The following SATL1 variants were observed in gnomAD, a reference collection of about 807,000 sequenced individuals.
The protein encoded by SATL1 is spermidine/spermine N(1)-acetyltransferase-like protein 1.
In SATL1, 47 loss-of-function variants were observed where a neutral mutation model predicts 51.8. That is an observed-to-expected ratio of 0.91 (90% CI 0.72 to 1.16). The LOEUF (loss-of-function observed/expected upper bound fraction) is 1.16, where lower values mean the gene tolerates loss of function less well. SATL1 is among the 50% of genes most tolerant of loss of function. The pLI, the probability that SATL1 is intolerant of heterozygous loss-of-function variation, is 0.00. For missense variants in SATL1, 520 were observed against 526.4 expected (o/e 0.99, Z 0.12); for synonymous variants, 176 against 182.4 (o/e 0.97, Z 0.28).
chrX:85,199,985 T>G (rs1927656635), intron 2 of SATL1, among the ~76,000 whole-genome samples: 1 of 112,159 alleles, frequency 8.9e-6, no homozygotes, highest in African/African-American at 3.2e-5. Context: ...AAAGGATAAA[T>G]GCTTGAGGTG....
At chrX:85,174,226 A>G (rs747186617) in intron 2 of SATL1, among the ~76,000 whole-genome samples, 2 of 110,859 alleles carry the variant, frequency 1.8e-5, no homozygotes, top group African/African-American at 3.3e-5. Context: ...TAGTGCCGCA[A>G]TAAACATACG....
chrX:85,127,739 G>T (rs753492078), intron 2 of SATL1, among the ~76,000 whole-genome samples: 1 of 110,961 alleles, frequency 9.0e-6, no homozygotes, highest in East Asian at 2.8e-4. Context: ...TTGGTGTGCT[G>T]CACCCATTAA....
At chrX:85,147,722 T>A (rs1233818770) in intron 2 of SATL1, among the ~76,000 whole-genome samples, 1 of 111,744 alleles carries the variant, frequency 8.9e-6, no homozygotes, top group African/African-American at 3.3e-5. Flanking sequence ...GGGTCTGGAG[T>A]GGACCTCTAG....
chrX:85,229,284 G>A (rs1928333600), intron 1 of SATL1, among the ~76,000 whole-genome samples: 1 of 111,382 alleles, frequency 9.0e-6, no homozygotes, highest in Non-Finnish European at 1.9e-5. Context: ...AAAAACAGAA[G>A]AGGAGGAAAT....
At chrX:85,196,191 A>G (rs1412223347) in intron 2 of SATL1, among the ~76,000 whole-genome samples, 1 of 111,654 alleles carries the variant, frequency 9.0e-6, no homozygotes, top group African/African-American at 3.3e-5. Flanking sequence ...TTCATTTACA[A>G]TGGTATCAAA....
At chrX:85,183,344 A>G (rs750400209) in intron 2 of SATL1, among the ~76,000 whole-genome samples, 33 of 107,876 alleles carry the variant, frequency 3.1e-4, no homozygotes, top group African/African-American at 1.1e-3. Flanking sequence ...CCTTTCCCCA[A>G]TGTTCTCGGT....
intron 2 of SATL1, among the ~76,000 whole-genome samples, chrX:85,195,214 A>G (rs1252430089): frequency 2.7e-5 from 3 of 111,030 alleles, no homozygotes; most frequent in Non-Finnish European, 5.7e-5. Context: ...ATGGGAGTAA[A>G]TAACTCTCAA....
rs1348085934 is a variant in SATL1, at chrX:85,146,042, G to A, written c.-312-36762C>T. On this transcript the variant is annotated intron_variant, in intron 2 of 7. Transcript: ENST00000644105. The stretch of plus-strand genomic sequence containing the variant: ...CTCCTGAGCAGTTGGGACTACAGGC[G>A]CCCGCCACCACGCCCGGCAATTTTT... Among the ~76,000 whole-genome samples, 6 of 109,668 alleles carry A rather than the reference G, an allele frequency of 5.5e-5. No homozygotes were observed. In the South Asian group the frequency reaches 2.0e-3, roughly 37 times the overall value.
At chrX:85,119,356 C>T in intron 2 of SATL1, among the ~76,000 whole-genome samples, 1 of 111,393 alleles carries the variant, frequency 9.0e-6, no homozygotes, top group Non-Finnish European at 1.9e-5. Flanking sequence ...ATCATGTGCC[C>T]ACGATTATAA....
chrX:85,239,515 T>C (rs1005467638), intron 1 of SATL1, among the ~76,000 whole-genome samples: 6 of 111,950 alleles, frequency 5.4e-5, no homozygotes, highest in African/African-American at 1.6e-4. Context: ...CATGCTAATA[T>C]TCAAATTTAC....
At chrX:85,093,041 A>T (rs1293302992) in intron 7 of SATL1, 144 bp downstream of exon 7, 1 of 526,510 alleles carries the variant, frequency 1.9e-6, no homozygotes, top group Non-Finnish European at 3.0e-6. Context: ...CTGATTTGAA[A>T]ATCCAGTTTA....
At chrX:85,140,592 C>T (rs921308446) in intron 2 of SATL1, among the ~76,000 whole-genome samples, 26 of 112,122 alleles carry the variant, frequency 2.3e-4, no homozygotes, top group Non-Finnish European at 1.9e-5. Flanking sequence ...TATTTAAATA[C>T]ACTTATCTAT....
intron 4 of SATL1, among the ~76,000 whole-genome samples, chrX:85,099,286 G>T (rs1250986225): frequency 9.0e-6 from 1 of 111,152 alleles, no homozygotes; most frequent in African/African-American, 3.3e-5. Context: ...AAAAAAGGAA[G>T]GAACCAAATG....
chrX:85,144,238 G>A (rs1310485792), intron 2 of SATL1, among the ~76,000 whole-genome samples: 1 of 111,638 alleles, frequency 9.0e-6, no homozygotes, highest in Non-Finnish European at 1.9e-5. Context: ...ACTGTACTAT[G>A]TTTTTACCTA....
chrX:85,222,189 A>T (rs1928191012), intron 2 of SATL1, among the ~76,000 whole-genome samples: 2 of 111,778 alleles, frequency 1.8e-5, no homozygotes, highest in Admixed American at 1.9e-4. Flanking sequence ...TAGCTGTGGG[A>T]CATTGGGCAA....
chrX:85,156,956 T>C (rs866382509), intron 2 of SATL1, among the ~76,000 whole-genome samples: 1 of 104,272 alleles, frequency 9.6e-6, no homozygotes, highest in Middle Eastern at 4.9e-3. Context: ...ATTCATTTCA[T>C]TGTACTTTAG....
chrX:85,162,201 A>G (rs1255513254), intron 2 of SATL1, among the ~76,000 whole-genome samples: 1 of 111,833 alleles, frequency 8.9e-6, no homozygotes, highest in Non-Finnish European at 1.9e-5. Context: ...AATGCCCACG[A>G]TAAAAAGTTA....
chrX:85,242,784 T>C (rs892384260), intron 1 of SATL1, among the ~76,000 whole-genome samples: 1 of 111,766 alleles, frequency 8.9e-6, no homozygotes, highest in East Asian at 2.8e-4. Context: ...ATCTATCTAT[T>C]TATCATACTT....
At chrX:85,134,484 A>G (rs1925900576) in intron 2 of SATL1, among the ~76,000 whole-genome samples, 2 of 111,231 alleles carry the variant, frequency 1.8e-5, no homozygotes, top group Admixed American at 1.9e-4. Flanking sequence ...GAATAGACAA[A>G]TCTCTGTTTT....
Sources: gnomAD v4.1 joint callset for allele counts (sites outside exome capture counted in the v4.1 genomes callset) on GRCh38, gnomAD v4.1.1 for gene constraint, MANE v1.5 for transcripts, NCBI Gene and HGNC (gene_info 2026-07-23, HGNC 2026-07-21) for gene names.